The following CATSPERD variants were observed in gnomAD, a reference collection of about 807,000 sequenced individuals.
The protein encoded by CATSPERD is catsper channel auxiliary subunit delta.
A neutral mutation model predicts 98.1 loss-of-function variants in CATSPERD; 86 were observed. That is an observed-to-expected ratio of 0.88 (90% CI 0.74 to 1.05). CATSPERD has a LOEUF of 1.05. CATSPERD is among the 50% of genes least tolerant of loss of function. The probability of loss-of-function intolerance (pLI) is 0.00; values close to 1 mark genes in which losing one functional copy is unlikely to be tolerated. For missense variants in CATSPERD, 995 were observed against 1,005.7 expected, an observed-to-expected ratio of 0.99 and a Z score of 0.14; for synonymous variants, 394 against 390.2, an observed-to-expected ratio of 1.01 and a Z score of -0.12.
chr19:5,734,058 C>A, intron 5 of CATSPERD, 88 bp downstream of exon 5: 3 of 765,516 alleles, frequency 3.9e-6, no homozygotes, highest in Non-Finnish European at 6.2e-6. Context: ...AAGCGATGCT[C>A]CTACTTGGAT....
intron 7 of CATSPERD, among the ~76,000 whole-genome samples, chr19:5,739,832 T>C (rs1599531847): frequency 2.2e-5 from 1 of 44,830 alleles, no homozygotes; most frequent in African/African-American, 1.1e-4. Flanking sequence ...GAGCGAGACC[T>C]CATCTCAAAA....
At chr19:5,775,544 G>C (rs1422572517) in intron 20 of CATSPERD, among the ~76,000 whole-genome samples, 1 of 150,388 alleles carries the variant, frequency 6.6e-6, no homozygotes, top group South Asian at 2.1e-4. Context: ...AGCTACTCGG[G>C]AGGCTGAGGC....
At chr19:5,762,058 A>ATATTTTTTTTTTTT in intron 15 of CATSPERD, among the ~76,000 whole-genome samples, 4 of 10,438 alleles carry the variant, frequency 3.8e-4, no homozygotes, top group African/African-American at 1.3e-3. Flanking sequence ...ATATATATAT[A>ATATTTTTTTTTTTT]TTTTTTTTTT....
intron 13 of CATSPERD, among the ~76,000 whole-genome samples, chr19:5,754,659 A>G (rs2056291451): frequency 1.3e-5 from 2 of 151,442 alleles, no homozygotes; most frequent in Non-Finnish European, 2.9e-5. Flanking sequence ...CGGACTCCCA[A>G]AATGTTGGGG....
chr19:5,742,785 T>C (rs2056014702), intron 7 of CATSPERD, among the ~76,000 whole-genome samples: 2 of 151,678 alleles, frequency 1.3e-5, no homozygotes, highest in South Asian at 2.1e-4. Flanking sequence ...AGATATCCTG[T>C]TGCAAAAAAA....
At chr19:5,731,559 A>ATT (rs1568342216) in intron 4 of CATSPERD, among the ~76,000 whole-genome samples, 1 of 78,508 alleles carries the variant, frequency 1.3e-5, no homozygotes, top group African/African-American at 4.6e-5. Context: ...GACACTTAAC[A>ATT]GTTTTTTTTT....
At chr19:5,728,323 A>T (rs1599508546) in intron 3 of CATSPERD, among the ~76,000 whole-genome samples, 1 of 141,642 alleles carries the variant, frequency 7.1e-6, no homozygotes, top group Admixed American at 7.5e-5. Context: ...GCACCACTGC[A>T]CTCCAGCCTG....
rs767298084 is a variant in CATSPERD at position 5,738,352 on chromosome 19, CAAA to C, written c.460-958_460-956del. ...TGAGACCTTGTCTCTACTCAAAATA[CAAA>C]AAAAAAAAAAAAAAAGAAAAGAAAA... On this transcript the variant is annotated intron_variant, in intron 6 of 21. Transcript: ENST00000381624. Among the ~76,000 whole-genome samples the C allele has an allele frequency of 2.9e-3, 301 of 104,928 alleles. 3 individuals carry two copies. Among genetic ancestry groups the C allele is most frequent in the African/African-American group, 9.7e-3 (286 of 29,514 alleles). The allele number at this position is 104,928 out of a possible 152,430, so 68.8% of individuals were successfully genotyped here. A position where few individuals can be genotyped will look rare whatever the true frequency, so the allele number is the denominator to read the frequency against.
intron 11 of CATSPERD, 78 bp from the exon 12 acceptor site, chr19:5,751,561 AAAAAAAAT>A: frequency 4.9e-5 from 23 of 468,038 alleles, no homozygotes; most frequent in East Asian, 1.7e-4. Flanking sequence ...AAAAAAAAAA[AAAAAAAAT>A]CTGCATCATG....
chr19:5,768,179 C>A lies in CATSPERD; in HGVS notation c.1571C>A (p.Ala524Asp). The change falls in exon 18 of 22, where the codon GCC becomes GAC. Residue 524 changes from alanine (A) to aspartate (D), a missense_variant. Coordinates refer to ENST00000381624, the MANE Select transcript of CATSPERD (RefSeq NM_152784.4). ...ACTTTTGCTTGCAGCAAAGTTTCCG[C>A]CTGTTCCATGGGCATCCTGGACCCC... ...KKIVIQNKVSACSMGILDPLT... is the reference protein window; with the variant it reads ...KKIVIQNKVSDCSMGILDPLT... The A allele has an allele frequency of 6.2e-7, 1 of 1,613,702 alleles. No individual in the cohort carries two copies. Among genetic ancestry groups the A allele is most frequent in the Non-Finnish European group, 8.5e-7 (1 of 1,179,750 alleles).
chr19:5,754,555 C>T (rs1357257946), intron 13 of CATSPERD, among the ~76,000 whole-genome samples: 3 of 151,102 alleles, frequency 2.0e-5, no homozygotes, highest in East Asian at 2.0e-4. Flanking sequence ...TGTGCCACCA[C>T]GCCTGGCTAA....
chr19:5,724,756 CA>C, intron 1 of CATSPERD, 51 bp from the exon 2 acceptor site: 1 of 1,563,066 alleles, frequency 6.4e-7, no homozygotes, highest in Non-Finnish European at 8.8e-7. Context: ...TAGGAGGATT[CA>C]TGCTGAATAT....
intron 6 of CATSPERD, 116 bp from the exon 7 acceptor site, chr19:5,739,210 C>T (rs576040655): frequency 2.0e-5 from 13 of 663,096 alleles, no homozygotes; most frequent in Non-Finnish European, 2.4e-5. Context: ...CGAACAGTCA[C>T]GTCCAGACAT....
chr19:5,770,798 G>A lies in CATSPERD; in HGVS notation c.1635-146G>A, dbSNP rs565990030. 57 of 915,394 alleles carry A rather than the reference G, an allele frequency of 6.2e-5. No individual in the cohort carries two copies. The South Asian group carries it at 8.4e-4, about 13-fold the overall frequency. 56.7% of individuals were successfully genotyped at this position (915,394 alleles called of 1,614,324 possible). Reference sequence around the variant, plus strand: ...GAAGTTCCAATATCATCTGGTCCATGGCTCTCAATCGCCCACCTCAGATGC... The same window carrying A: ...GAAGTTCCAATATCATCTGGTCCATAGCTCTCAATCGCCCACCTCAGATGC... On this transcript the variant is annotated intron_variant, in intron 18 of 21. Coordinates refer to ENST00000381624, the MANE Select transcript of CATSPERD (RefSeq NM_152784.4).
chr19:5,756,260 G>A (rs1167878695), intron 13 of CATSPERD, among the ~76,000 whole-genome samples: 3 of 149,076 alleles, frequency 2.0e-5, no homozygotes, highest in African/African-American at 7.4e-5. Flanking sequence ...TAGCCTGGGT[G>A]ACAGAGTGAG....
chr19:5,762,817 T>A (rs7250962), intron 15 of CATSPERD, among the ~76,000 whole-genome samples: 123,771 of 150,514 alleles, frequency 0.82, 51,033 homozygotes, highest in Non-Finnish European at 0.86. Context: ...GATAGATGGA[T>A]GGATGGATAA....
intron 5 of CATSPERD, among the ~76,000 whole-genome samples, chr19:5,736,157 C>A (rs2055841266): frequency 6.6e-6 from 1 of 151,732 alleles, no homozygotes; most frequent in Non-Finnish European, 1.5e-5. Context: ...GGAGATCCGC[C>A]CACCTCTGCC....
intron 11 of CATSPERD, among the ~76,000 whole-genome samples, chr19:5,750,176 T>G (rs146853639): frequency 7.0e-6 from 1 of 142,956 alleles, no homozygotes; most frequent in Non-Finnish European, 1.5e-5. Context: ...TGGCCGGGCG[T>G]GGTGGCTCAC....
chr19:5,765,135 C>T (rs1425943121), intron 16 of CATSPERD, among the ~76,000 whole-genome samples: 1 of 152,030 alleles, frequency 6.6e-6, no homozygotes, highest in African/African-American at 2.4e-5. Context: ...TCTCTAACTC[C>T]TGGCCTCAAG....
Sources: allele counts gnomAD v4.1 joint callset (sites outside exome capture counted in the v4.1 genomes callset), GRCh38; gene constraint gnomAD v4.1.1; transcripts MANE v1.5; gene names NCBI Gene and HGNC (gene_info 2026-07-23, HGNC 2026-07-21).